Variants in AAK1 observed in about 807,000 individuals in gnomAD.
AAK1 encodes the protein AP2-associated protein kinase 1.
Under a neutral mutation model 116.0 loss-of-function variants are expected in AAK1, and 37 were observed. The ratio of observed to expected loss-of-function variants is 0.32; its 90% CI spans 0.25 to 0.42. The LOEUF (loss-of-function observed/expected upper bound fraction) is 0.42, where lower values mean the gene tolerates loss of function less well. Ranked by LOEUF, AAK1 falls within the 10% of genes least tolerant of loss-of-function variation. AAK1 has a pLI of 1.00. For missense variants in AAK1, 919 were observed against 1,170.6 expected (o/e 0.79, Z 3.14); for synonymous variants, 458 against 439.9 (o/e 1.04, Z -0.51).
chr2:69,537,154 T>G (rs756665013), intron 5 of AAK1, among the ~76,000 whole-genome samples: 5 of 152,200 alleles, frequency 3.3e-5, no homozygotes, highest in Admixed American at 3.3e-4. Context: ...CTGGCTTAGG[T>G]GACCTTCCCA....
intron 2 of AAK1, among the ~76,000 whole-genome samples, chr2:69,567,889 G>A (rs1246575348): frequency 3.9e-5 from 6 of 152,258 alleles, no homozygotes; most frequent in South Asian, 4.1e-4. Context: ...AAATCAAAAC[G>A]CTCTTCAGTT....
chr2:69,514,355 A>G, intron 13 of AAK1, 116 bp downstream of exon 13: 1 of 1,329,376 alleles, frequency 7.5e-7, no homozygotes, highest in Non-Finnish European at 1.0e-6. Context: ...TGAACCACCC[A>G]GGTGGGAAAG....
chr2:69,466,622 C>A lies in AAK1; in HGVS notation c.*9247G>T, dbSNP rs1374991155. 8 of 1,088,322 alleles carry A rather than the reference C, an allele frequency of 7.4e-6. No individual in the cohort carries two copies. In the African/African-American group the frequency reaches 1.3e-4, roughly 18 times the overall value. The allele number at this position is 1,088,322 out of a possible 1,614,324, so 67.4% of individuals were successfully genotyped here. On this transcript the variant is annotated 3_prime_UTR_variant, in exon 22 of 22. Coordinates refer to ENST00000409085, the MANE Select transcript of AAK1 (RefSeq NM_014911.5). ...TCTATTTGGAACATTTAATGGTCAA[C>A]CCGCGGCAAAAACATTGTGGGACCA...
Position 69,519,227 on chromosome 2 carries a change from C to G in AAK1, c.1224G>C (p.Gln408His). ...PPPQAAGSSN[Q>H]PGLLASVPQP... Reference sequence around the variant, plus strand: ...GGGGAACACTGGCTAAAAGGCCAGGCTGATTGCTGGATCCTGCAATGAGAA... The same window carrying G: ...GGGGAACACTGGCTAAAAGGCCAGGGTGATTGCTGGATCCTGCAATGAGAA... The change falls in exon 12 of 22, where the codon CAG (glutamine) becomes CAC (histidine). Residue 408 changes from glutamine to histidine, a missense_variant. This residue lies in a region of AAK1 where 214 missense variants were observed against 210.6 expected (regional missense o/e 1.02). Coordinates refer to ENST00000409085, the MANE Select transcript of AAK1 (RefSeq NM_014911.5). 6.3e-7 allele frequency: 1 copy of G among 1,580,424 alleles called. No homozygotes were observed. The highest frequency in any genetic ancestry group is 8.6e-7 in the Non-Finnish European group (1 of 1,162,964).
chr2:69,577,532 C>A (rs1393828607), intron 2 of AAK1, among the ~76,000 whole-genome samples: 1 of 152,174 alleles, frequency 6.6e-6, no homozygotes, highest in Non-Finnish European at 1.5e-5. Flanking sequence ...CCATGACAGG[C>A]AGAGCTGAGT....
chr2:69,523,535 G>A (rs931282056), intron 10 of AAK1, among the ~76,000 whole-genome samples: 9 of 152,178 alleles, frequency 5.9e-5, no homozygotes, highest in South Asian at 2.1e-4. Flanking sequence ...CTTTGTTGAC[G>A]CAGTTTGCTG....
chr2:69,508,223 C>T (rs1415788126), intron 14 of AAK1, among the ~76,000 whole-genome samples: 2 of 152,122 alleles, frequency 1.3e-5, no homozygotes, highest in African/African-American at 4.8e-5. Flanking sequence ...GTGGTGACCA[C>T]CATAACATCC....
Position 69,478,867 on chromosome 2 carries a change from T to G in AAK1, c.2680+84A>C, listed in dbSNP as rs13034378. 4.1e-5 allele frequency: 48 copies of G among 1,171,962 alleles called. No homozygotes were observed. In the African/African-American group the frequency reaches 6.1e-4, roughly 15 times the overall value. 72.6% of individuals were successfully genotyped at this position (1,171,962 alleles called of 1,614,324 possible). A position where few individuals can be genotyped will look rare whatever the true frequency, so the allele number is the denominator to read the frequency against. On this transcript the variant is annotated intron_variant, in intron 20 of 21. Coordinates refer to ENST00000409085, the MANE Select transcript of AAK1 (RefSeq NM_014911.5). The stretch of plus-strand genomic sequence containing the variant: ...GTTTTAAAACTTCACTAGTAAAGAC[T>G]TTTGATAAGAAAAACTTTCAAAAGT...
Position 69,642,934 on chromosome 2 carries a change from C to T in AAK1, c.107G>A (p.Gly36Glu), listed in dbSNP as rs764268391. ...STSGLGSGYI[G>E]RVFGIGRQQV... ...CTGTCGCCCGATGCCGAAGACTCTT[C>T]CGATGTAGCCACTGCCCAGGCCCGA... Residue 36 changes from glycine (G) to glutamate (E), a missense_variant, in exon 2 of 22, where the codon GGA becomes GAA. Coordinates refer to ENST00000409085, the MANE Select transcript of AAK1 (RefSeq NM_014911.5). The T allele has an allele frequency of 8.9e-5, 143 of 1,613,854 alleles. No homozygotes were observed. Among genetic ancestry groups the T allele is most frequent in the Non-Finnish European group, 1.2e-4 (141 of 1,179,902 alleles).
rs146236978 is a variant in AAK1 at position 69,513,191 on chromosome 2, A to G, written c.1776+1280T>C. On this transcript the variant is annotated intron_variant, in intron 13 of 21. Coordinates refer to ENST00000409085, the MANE Select transcript of AAK1 (RefSeq NM_014911.5). ...TTGTTTTAGAAACGAAGGTGTAAAG[A>G]CACTAAACACACACTTAGCTAAGAC... 3.1e-3 allele frequency among the ~76,000 whole-genome samples: 476 copies of G among 152,334 alleles called. 3 individuals carry two copies. Among genetic ancestry groups the G allele is most frequent in the African/African-American group, 0.011 (441 of 41,564 alleles).
intron 6 of AAK1, 41 bp from the exon 7 acceptor site, chr2:69,530,747 C>T (rs1281237162): frequency 2.0e-6 from 3 of 1,470,118 alleles, no homozygotes; most frequent in Non-Finnish European, 2.8e-6. Context: ...TATGTCAATA[C>T]TATAATTAAA....
At chr2:69,610,533 A>G (rs1455190003) in intron 2 of AAK1, among the ~76,000 whole-genome samples, 3 of 152,258 alleles carry the variant, frequency 2.0e-5, no homozygotes. Context: ...ACTTTTGAGT[A>G]TCAAAGGACA....
chr2:69,522,016 T>C (rs1457095505), intron 10 of AAK1, among the ~76,000 whole-genome samples: 1 of 152,210 alleles, frequency 6.6e-6, no homozygotes, highest in Non-Finnish European at 1.5e-5. Flanking sequence ...ACTTTGGACT[T>C]TCTGTAATTC....
At chr2:69,505,462 C>T in intron 16 of AAK1, 107 bp downstream of exon 16, 1 of 714,304 alleles carries the variant, frequency 1.4e-6, no homozygotes, top group Non-Finnish European at 2.4e-6. Flanking sequence ...ATACACGGTA[C>T]TGCCAGGATT....
At chr2:69,574,661 T>C (rs1217899289) in intron 2 of AAK1, among the ~76,000 whole-genome samples, 1 of 151,844 alleles carries the variant, frequency 6.6e-6, no homozygotes, top group Non-Finnish European at 1.5e-5. Flanking sequence ...ATTCTATAGC[T>C]AGTAAAATAT....
intron 2 of AAK1, chr2:69,598,994 T>A: frequency 2.7e-6 from 1 of 375,110 alleles, no homozygotes; most frequent in Non-Finnish European, 5.3e-6. Context: ...GACATGACAC[T>A]TTGTGGAAAG....
chr2:69,494,974 T>C (rs1675679131), intron 17 of AAK1, among the ~76,000 whole-genome samples: 1 of 152,114 alleles, frequency 6.6e-6, no homozygotes, highest in Non-Finnish European at 1.5e-5. Context: ...AACATCGCAG[T>C]CACTTCCAGT....
intron 14 of AAK1, 53 bp from the exon 15 acceptor site, chr2:69,507,631 C>T (rs911058658): frequency 2.8e-6 from 4 of 1,421,822 alleles, no homozygotes; most frequent in South Asian, 2.9e-5. Flanking sequence ...TTGAACAAAA[C>T]AAAAAGGGTC....
intron 17 of AAK1, among the ~76,000 whole-genome samples, chr2:69,495,776 C>G (rs939585093): frequency 8.5e-5 from 13 of 152,124 alleles, no homozygotes; most frequent in African/African-American, 3.1e-4. Context: ...TTGGTATAAC[C>G]TGAACTGATT....
Sources: gnomAD v4.1 joint callset for allele counts (sites outside exome capture counted in the v4.1 genomes callset) on GRCh38, gnomAD v4.1.1 for gene constraint, gnomAD v4.1.1 regional missense constraint, MANE v1.5 for transcripts, NCBI Gene and HGNC (gene_info 2026-07-23, HGNC 2026-07-21) for gene names.